The following LRRC37A2 variants were observed in gnomAD, a reference collection of about 807,000 sequenced individuals.
LRRC37A2 encodes the protein leucine-rich repeat-containing protein 37A2.
A neutral mutation model predicts 68.8 loss-of-function variants in LRRC37A2; 9 were observed. That is an observed-to-expected ratio of 0.13 (90% confidence interval 0.08 to 0.23). LRRC37A2 has a LOEUF of 0.23. Ranked by LOEUF, LRRC37A2 falls within the 10% of genes least tolerant of loss-of-function variation. LRRC37A2 has a pLI of 1.00. For synonymous variants in LRRC37A2, 63 were observed against 367.6 expected, an observed-to-expected ratio of 0.17 and a Z score of 9.48; for missense variants, 168 against 950.4, an observed-to-expected ratio of 0.18 and a Z score of 10.82.
At chr17:46,843,388 C>T in the LRRC37A2 span, among the ~76,000 whole-genome samples, 1 of 152,078 alleles carries the variant, frequency 6.6e-6, no homozygotes, top group African/African-American at 2.4e-5. Context: ...GTTTGTGTGA[C>T]TAATTAGGAG....
At chr17:47,017,337 C>A in the LRRC37A2 span, 1 of 1,598,158 alleles carries the variant, frequency 6.3e-7, no homozygotes, top group East Asian at 2.2e-5. Context: ...CCCGCTCCAG[C>A]TGACCTCTAA....
At chr17:46,931,494 T>C in the LRRC37A2 span, 29 of 473,946 alleles carry the variant, frequency 6.1e-5, 1 homozygote, top group South Asian at 6.5e-4. Context: ...CATAGCCACC[T>C]GAAGCCTAAT....
the LRRC37A2 span, among the ~76,000 whole-genome samples, chr17:46,820,618 C>T: frequency 1.3e-5 from 2 of 152,042 alleles, no homozygotes; most frequent in Non-Finnish European, 2.9e-5. Context: ...TTCTGGGGTG[C>T]CCTGTTTCTG....
chr17:47,020,019 G>A, the LRRC37A2 span, among the ~76,000 whole-genome samples: 5 of 147,766 alleles, frequency 3.4e-5, no homozygotes, highest in Non-Finnish European at 4.5e-5. Context: ...ACTCGTTTTC[G>A]TATCCATTTT....
chr17:46,746,153 A>G, the LRRC37A2 span, among the ~76,000 whole-genome samples: 1 of 152,308 alleles, frequency 6.6e-6, no homozygotes, highest in Non-Finnish European at 1.5e-5. Flanking sequence ...ATATTCATCT[A>G]GGAACTTGGT....
chr17:46,383,259 C>A, the LRRC37A2 span, among the ~76,000 whole-genome samples: 2 of 151,928 alleles, frequency 1.3e-5, no homozygotes, highest in African/African-American at 2.4e-5. Flanking sequence ...CTATGATATT[C>A]ATATAACGAT....
chr17:46,495,629 T>A, the LRRC37A2 span, among the ~76,000 whole-genome samples: 1 of 150,492 alleles, frequency 6.6e-6, no homozygotes, highest in East Asian at 1.9e-4. Context: ...AGGTGATTCG[T>A]CTGCCTTGGC....
At chr17:46,649,464 C>T in the LRRC37A2 span, among the ~76,000 whole-genome samples, 130 of 152,134 alleles carry the variant, frequency 8.5e-4, no homozygotes, top group Middle Eastern at 0.01. Flanking sequence ...AGGAACTGGG[C>T]GTGAATTTGT....
the LRRC37A2 span, chr17:46,931,158 G>C: frequency 6.2e-7 from 1 of 1,611,858 alleles, no homozygotes; most frequent in Non-Finnish European, 8.5e-7. Context: ...AGAACGTCTG[G>C]AGATTTTGTC....
the LRRC37A2 span, among the ~76,000 whole-genome samples, chr17:46,621,375 C>T: frequency 3.7e-5 from 5 of 134,194 alleles, no homozygotes; most frequent in African/African-American, 1.4e-4. Context: ...CAAGCTCCGC[C>T]TCCCGGGCTC....
chr17:46,763,846 A>AAT, the LRRC37A2 span: 6 of 149,938 alleles, frequency 4.0e-5, no homozygotes, highest in East Asian at 1.2e-3. Context: ...AAAAAAAAAA[A>AAT]CAAAAAAACA....
the LRRC37A2 span, chr17:46,942,072 T>C: frequency 4.7e-6 from 2 of 423,826 alleles, no homozygotes; most frequent in African/African-American, 4.3e-5. Context: ...CTGAAACAGA[T>C]ACAAAGAAGT....
the LRRC37A2 span, among the ~76,000 whole-genome samples, chr17:46,602,847 A>G: frequency 2.3e-5 from 3 of 131,922 alleles, no homozygotes; most frequent in East Asian, 6.4e-4. Context: ...GTGTGGGGAT[A>G]TTATGATTCT....
the LRRC37A2 span, among the ~76,000 whole-genome samples, chr17:47,014,022 G>T: frequency 5.3e-5 from 8 of 152,086 alleles, no homozygotes; most frequent in African/African-American, 1.4e-4. Context: ...GAACCCGGGA[G>T]GCGGAGGTTG....
chr17:46,980,768 G>A, the LRRC37A2 span, among the ~76,000 whole-genome samples: 63 of 151,862 alleles, frequency 4.1e-4, no homozygotes, highest in African/African-American at 1.3e-3. Flanking sequence ...GGGAGGTGAA[G>A]CTTGCAGTGA....
the LRRC37A2 span, among the ~76,000 whole-genome samples, chr17:46,610,096 TC>T: frequency 1.4e-4 from 6 of 44,246 alleles, no homozygotes; most frequent in African/African-American, 6.5e-4. Flanking sequence ...TTCTTTTCTC[TC>T]TTTCTCTCTC....
chr17:46,720,946 C>T, the LRRC37A2 span, among the ~76,000 whole-genome samples: 2 of 152,186 alleles, frequency 1.3e-5, no homozygotes, highest in African/African-American at 4.8e-5. Context: ...CTCCCATTTG[C>T]ACTTGTGTAG....
chr17:46,914,507 C>G, the LRRC37A2 span, among the ~76,000 whole-genome samples: 1 of 151,670 alleles, frequency 6.6e-6, no homozygotes, highest in Non-Finnish European at 1.5e-5. Context: ...AAAAATTAGC[C>G]AGGCGTAGTG....
At chr17:46,497,507 T>C in the LRRC37A2 span, among the ~76,000 whole-genome samples, 1 of 143,466 alleles carries the variant, frequency 7.0e-6, no homozygotes, top group African/African-American at 2.7e-5. Context: ...CCTACCTACT[T>C]AGAGTTAGCA....
Sources: gnomAD v4.1 joint callset for allele counts (sites outside exome capture counted in the v4.1 genomes callset) on GRCh38, gnomAD v4.1.1 for gene constraint, MANE v1.5 for transcripts, NCBI Gene and HGNC (gene_info 2026-07-23, HGNC 2026-07-21) for gene names.